TLL2: variants seen among roughly 807,000 people sequenced by gnomAD.
TLL2 encodes the protein tolloid-like protein 2.
A neutral mutation model predicts 123.0 loss-of-function variants in TLL2; 106 were observed. The ratio of observed to expected loss-of-function variants is 0.86; its 90% CI spans 0.74 to 1.01. The LOEUF (loss-of-function observed/expected upper bound fraction) is 1.01, where lower values mean the gene tolerates loss of function less well. Ranked by LOEUF, TLL2 falls within the 50% of genes least tolerant of loss-of-function variation. TLL2 has a pLI of 0.00. For synonymous variants in TLL2, 494 were observed against 516.8 expected, an observed-to-expected ratio of 0.96 and a Z score of 0.60; for missense variants, 1,332 against 1,336.7, an observed-to-expected ratio of 1.00 and a Z score of 0.06.
intron 12 of TLL2, 108 bp downstream of exon 12, chr10:96,395,767 C>A: frequency 7.1e-7 from 1 of 1,410,804 alleles, no homozygotes; most frequent in Non-Finnish European, 9.7e-7. Flanking sequence ...TGAGAATAGC[C>A]TCTTAGGTTC....
chr10:96,493,154 C>T (rs1202893653), intron 1 of TLL2, among the ~76,000 whole-genome samples: 2 of 152,182 alleles, frequency 1.3e-5, no homozygotes, highest in Non-Finnish European at 2.9e-5. Flanking sequence ...GTGCAATGTG[C>T]ATCATCATAC....
chr10:96,413,432 C>A, intron 7 of TLL2, 116 bp from the exon 8 acceptor site: 1 of 1,290,506 alleles, frequency 7.7e-7, no homozygotes, highest in Non-Finnish European at 1.0e-6. Flanking sequence ...TGCCCCCTGG[C>A]CAGCCTCTCC....
At chr10:96,384,006 G>A (rs1190874765) in intron 16 of TLL2, among the ~76,000 whole-genome samples, 3 of 152,154 alleles carry the variant, frequency 2.0e-5, no homozygotes. Context: ...TGGAACCTTA[G>A]AATGTGATCT....
rs973244513 is a variant in TLL2 at position 96,370,191 on chromosome 10, G to T, written c.2787C>A (p.Tyr929Ter). Residue 929 changes from tyrosine (Y) to a stop codon, truncating the protein, a stop_gained, in exon 20 of 21, where the codon TAC becomes TAA. Transcript: ENST00000357947. LOFTEE classifies it high-confidence loss of function. ...CDWVIVAEDG[Y>*]GVELTFRTFE... is the part of the protein sequence containing the mutation. ...AGGTCCGGAATGTCAGCTCCACGCC[G>T]TAGCCGTCCTCTGCCACGATCACCC... 3 of 1,614,032 alleles carry T rather than the reference G, an allele frequency of 1.9e-6. No homozygotes were observed. The highest frequency in any genetic ancestry group is 2.5e-6 in the Non-Finnish European group (3 of 1,179,946).
intron 5 of TLL2, among the ~76,000 whole-genome samples, chr10:96,424,255 CAG>C (rs1214127709): frequency 2.6e-5 from 4 of 151,852 alleles, no homozygotes; most frequent in Non-Finnish European, 4.4e-5. Context: ...ACCAAAAAAA[CAG>C]AGTGACTATA....
chr10:96,377,792 G>A (rs562687224), intron 17 of TLL2, among the ~76,000 whole-genome samples: 1 of 152,352 alleles, frequency 6.6e-6, no homozygotes, highest in East Asian at 1.9e-4. Context: ...TGCAGCCAAC[G>A]CAGAGAACAG....
At chr10:96,389,947 G>GA (rs1305811108) in intron 13 of TLL2, among the ~76,000 whole-genome samples, 1 of 152,268 alleles carries the variant, frequency 6.6e-6, no homozygotes, top group African/African-American at 2.4e-5. Flanking sequence ...AGCTTGGCTA[G>GA]ATGGCACAGA....
intron 1 of TLL2, among the ~76,000 whole-genome samples, chr10:96,492,376 C>A (rs1040900660): frequency 2.0e-5 from 3 of 152,202 alleles, no homozygotes; most frequent in Non-Finnish European, 2.9e-5. Context: ...CTAATCCCAG[C>A]ACTTTGGGAG....
rs1395760066 is a variant in TLL2 at position 96,367,894 on chromosome 10, A to AT, written c.*193dup. On this transcript the variant is annotated 3_prime_UTR_variant, in exon 21 of 21. Coordinates refer to ENST00000357947, the MANE Select transcript of TLL2 (RefSeq NM_012465.4). ...ACATTGCAGACAGAAGCAAAAGAAC[A>AT]TTTTTCTCTCCACCTTGTTGGCCAA... 4.8e-6 allele frequency: 3 copies of AT among 624,860 alleles called. No homozygotes were observed. The highest frequency in any genetic ancestry group is 2.8e-5 in the East Asian group (1 of 35,118). The allele number at this position is 624,860 out of a possible 1,614,324, so 38.7% of individuals were successfully genotyped here.
intron 3 of TLL2, among the ~76,000 whole-genome samples, chr10:96,436,027 T>C (rs1846792166): frequency 6.6e-6 from 1 of 152,272 alleles, no homozygotes; most frequent in South Asian, 2.1e-4. Flanking sequence ...TATTGATTTC[T>C]AACACTGCAC....
intron 13 of TLL2, among the ~76,000 whole-genome samples, chr10:96,388,973 G>A (rs867148520): frequency 2.0e-5 from 3 of 152,200 alleles, no homozygotes; most frequent in African/African-American, 4.8e-5. Flanking sequence ...GTTGCCCATC[G>A]CCTCAAATAA....
chr10:96,459,731 T>C (rs1490965635), intron 2 of TLL2, among the ~76,000 whole-genome samples: 2 of 75,900 alleles, frequency 2.6e-5, no homozygotes, highest in African/African-American at 8.8e-5. Context: ...TATATATATA[T>C]AGCAGCTAAA....
At chr10:96,376,857 C>T in intron 17 of TLL2, 38 bp from the exon 18 acceptor site, 1 of 1,487,646 alleles carries the variant, frequency 6.7e-7, no homozygotes, top group Non-Finnish European at 8.9e-7. Flanking sequence ...AGAGAGAAGT[C>T]ATTCACTGTG....
At chr10:96,466,899 C>T (rs1847137540) in intron 2 of TLL2, among the ~76,000 whole-genome samples, 1 of 152,178 alleles carries the variant, frequency 6.6e-6, no homozygotes, top group Non-Finnish European at 1.5e-5. Flanking sequence ...GCTTAGAGTC[C>T]AGCACTCCAT....
chr10:96,439,474 C>T (rs1444904101), intron 3 of TLL2, among the ~76,000 whole-genome samples: 1 of 152,112 alleles, frequency 6.6e-6, no homozygotes, highest in Non-Finnish European at 1.5e-5. Flanking sequence ...GAATTCTTTC[C>T]TCCGAGGAGG....
At chr10:96,504,371 T>A (rs960897823) in intron 1 of TLL2, among the ~76,000 whole-genome samples, 5 of 151,924 alleles carry the variant, frequency 3.3e-5, no homozygotes, top group Admixed American at 6.6e-5. Context: ...GCACTTTGGG[T>A]GGCTGAGGTG....
At chr10:96,479,095 AG>A (rs1375624355) in intron 2 of TLL2, among the ~76,000 whole-genome samples, 1 of 152,244 alleles carries the variant, frequency 6.6e-6, no homozygotes, top group East Asian at 1.9e-4. Flanking sequence ...TAAGAGCTTA[AG>A]TAAAGTTCTG....
At position 96,370,155 on chromosome 10, in the gene TLL2, C is replaced by T. The variant is rs1420624766; in HGVS notation, c.2823G>A (p.Glu941=). 6.2e-7 allele frequency: 1 copy of T among 1,614,138 alleles called. No homozygotes were observed. The highest frequency in any genetic ancestry group is 1.1e-5 in the South Asian group (1 of 91,070). ...AGTCGTAGCCGCAGTCGGCCTCCTC[C>T]TCAACCTCAAAGGTCCGGAATGTCA... The part of the protein sequence containing the change: ...VELTFRTFEV[E]EEADCGYDYM... The change falls in exon 20 of 21, where the codon GAG becomes GAA. Residue 941 remains glutamate (E), a synonymous_variant. Coordinates refer to ENST00000357947, the MANE Select transcript of TLL2 (RefSeq NM_012465.4).
At chr10:96,503,397 G>A (rs987511813) in intron 1 of TLL2, among the ~76,000 whole-genome samples, 7 of 152,178 alleles carry the variant, frequency 4.6e-5, no homozygotes, top group African/African-American at 1.2e-4. Flanking sequence ...TTTCAATATC[G>A]TTATTTTCCA....
Sources: gnomAD v4.1 joint callset for allele counts (sites outside exome capture counted in the v4.1 genomes callset) on GRCh38, gnomAD v4.1.1 for gene constraint, MANE v1.5 for transcripts, NCBI Gene and HGNC (gene_info 2026-07-23, HGNC 2026-07-21) for gene names.